Variants in F13A1 observed in about 807,000 individuals in gnomAD.
F13A1 encodes coagulation factor XIII A chain, also known as FSF, A subunit.
In F13A1, 47 loss-of-function variants were observed where a neutral mutation model predicts 80.1. The ratio of observed to expected loss-of-function variants is 0.59; its 90% confidence interval spans 0.46 to 0.75. The LOEUF is 0.75. Among genes scored for constraint, F13A1 ranks in the 30% least tolerant of loss-of-function variants. The pLI, the probability that F13A1 is intolerant of heterozygous loss-of-function variation, is 0.00. For missense variants in F13A1, 817 were observed against 930.4 expected (o/e 0.88, Z 1.59); for synonymous variants, 349 against 344.9 (o/e 1.01, Z -0.13).
At chr6:6,264,987 A>G (rs1757824406) in intron 4 of F13A1, among the ~76,000 whole-genome samples, 1 of 152,198 alleles carries the variant, frequency 6.6e-6, no homozygotes, top group Non-Finnish European at 1.5e-5. Flanking sequence ...CATGCTGGGC[A>G]TGGTGGTTCA....
chr6:6,304,107 T>G (rs1758475836), intron 3 of F13A1, among the ~76,000 whole-genome samples: 1 of 152,222 alleles, frequency 6.6e-6, no homozygotes. Context: ...AAGGGAATGA[T>G]GATAGCAGGC....
At chr6:6,279,471 T>G (rs1758032456) in intron 3 of F13A1, among the ~76,000 whole-genome samples, 1 of 152,220 alleles carries the variant, frequency 6.6e-6, no homozygotes, top group Admixed American at 6.5e-5. Context: ...GTTTCCATAT[T>G]TCTTGGGTTT....
chr6:6,231,306 T>C (rs1419519488), intron 6 of F13A1, among the ~76,000 whole-genome samples: 1 of 152,054 alleles, frequency 6.6e-6, no homozygotes, highest in Non-Finnish European at 1.5e-5. Context: ...GCAATAGAAT[T>C]GAACATGTAG....
chr6:6,249,469 T>A (rs3024387), intron 5 of F13A1, among the ~76,000 whole-genome samples: 1 of 152,004 alleles, frequency 6.6e-6, no homozygotes, highest in East Asian at 1.9e-4. Flanking sequence ...ACTGTAAACA[T>A]GCTTGGCTGG....
intron 11 of F13A1, among the ~76,000 whole-genome samples, chr6:6,177,270 C>T (rs1300861241): frequency 6.6e-6 from 1 of 152,186 alleles, no homozygotes; most frequent in East Asian, 1.9e-4. Flanking sequence ...ATTCTTCTGG[C>T]TTTAGCTCCA....
At chr6:6,310,703 T>C (rs1758578082) in intron 2 of F13A1, among the ~76,000 whole-genome samples, 1 of 152,138 alleles carries the variant, frequency 6.6e-6, no homozygotes, top group Non-Finnish European at 1.5e-5. Context: ...AATGAGAAAA[T>C]GCACCGAGTG....
intron 11 of F13A1, among the ~76,000 whole-genome samples, chr6:6,178,971 G>A (rs980393382): frequency 6.6e-5 from 10 of 152,208 alleles, no homozygotes; most frequent in African/African-American, 1.9e-4. Flanking sequence ...CAGAGTGTGC[G>A]CGGAAGGAGT....
At chr6:6,319,115 C>G (rs3024319) in intron 1 of F13A1, among the ~76,000 whole-genome samples, 69,041 of 152,110 alleles carry the variant, frequency 0.45, 16,412 homozygotes, top group East Asian at 0.76. Flanking sequence ...ACGCACACAA[C>G]CATGTCCAGA....
At chr6:6,290,151 G>T (rs114950663) in intron 3 of F13A1, among the ~76,000 whole-genome samples, 1,850 of 152,110 alleles carry the variant, frequency 0.012, 44 homozygotes, top group African/African-American at 0.042. Flanking sequence ...TAGGCTTTAT[G>T]GTTGAAAGAA....
intron 8 of F13A1, among the ~76,000 whole-genome samples, chr6:6,207,519 C>G (rs1363560635): frequency 6.6e-6 from 1 of 152,202 alleles, no homozygotes; most frequent in East Asian, 1.9e-4. Context: ...CCATAGGAGG[C>G]TTTGAAAAAC....
intron 6 of F13A1, among the ~76,000 whole-genome samples, chr6:6,231,821 G>A (rs35208385): frequency 0.013 from 1,911 of 152,104 alleles, 22 homozygotes; most frequent in Non-Finnish European, 0.019. Context: ...TGTATCCAGC[G>A]AAACTAAGCA....
chr6:6,243,224 C>G lies in F13A1; in HGVS notation c.798+5088G>C, dbSNP rs1757508386. The stretch of plus-strand genomic sequence containing the variant: ...TCACTCCTACCATCACCACCACCAT[C>G]ACCGTCACCATCTCCACCACCACCA... On this transcript the variant is annotated intron_variant, in intron 6 of 14. Transcript: ENST00000264870. This position sits in a 1 kb window ranked among gnomAD's most constrained non-coding sequence, Gnocchi z 4.2. 6.6e-6 allele frequency among the ~76,000 whole-genome samples: 1 copy of G among 150,898 alleles called. No individual in the cohort carries two copies. The highest frequency in any genetic ancestry group is 6.6e-5 in the Admixed American group (1 of 15,078).
At position 6,298,791 on chromosome 6, in the gene F13A1, A is replaced by G. The variant is rs150854375; in HGVS notation, c.319+6560T>C. Among the ~76,000 whole-genome samples the G allele has an allele frequency of 5.2e-3, 777 of 149,538 alleles. 68 individuals carry two copies. The highest frequency in any genetic ancestry group is 0.02 in the Middle Eastern group (6 of 294). On this transcript the variant is annotated intron_variant, in intron 3 of 14. Transcript: ENST00000264870. ...TATGTGTGAATTTGATCCTGTCATT[A>G]TGATGTTAGCTGGTGATTTTGCTCA...
chr6:6,173,407 TTC>T (rs1333941484), intron 12 of F13A1, among the ~76,000 whole-genome samples: 1,193 of 44,414 alleles, frequency 0.027, 43 homozygotes, highest in African/African-American at 0.13. Flanking sequence ...CTCCATTCTT[TTC>T]TTTTTTTTTT....
chr6:6,208,044 G>A (rs927867592), intron 8 of F13A1, among the ~76,000 whole-genome samples: 1 of 152,166 alleles, frequency 6.6e-6, no homozygotes, highest in East Asian at 1.9e-4. Flanking sequence ...TACACAGGAA[G>A]CAGCCAAGAG....
At chr6:6,319,941 T>A (rs1449989460) in intron 1 of F13A1, among the ~76,000 whole-genome samples, 1 of 152,138 alleles carries the variant, frequency 6.6e-6, no homozygotes, top group African/African-American at 2.4e-5. Flanking sequence ...GCGAGAGCCA[T>A]CCTCTAGTGA....
chr6:6,248,530 C>T lies in F13A1; in HGVS notation c.691-111G>A, dbSNP rs1757586423. Reference sequence around the variant, plus strand: ...ACCTAATGTTTAGAAATGTGTGTTTCCTGTATAGTGATCTCCCATAATCTT... The same window carrying T: ...ACCTAATGTTTAGAAATGTGTGTTTTCTGTATAGTGATCTCCCATAATCTT... On this transcript the variant is annotated intron_variant, in intron 5 of 14. Transcript: ENST00000264870. 8.8e-6 allele frequency: 7 copies of T among 798,404 alleles called. No homozygotes were observed. The Admixed American group carries it at 1.2e-4, about 14-fold the overall frequency. The allele number at this position is 798,404 out of a possible 1,614,324, so 49.5% of individuals were successfully genotyped here.
intron 14 of F13A1, among the ~76,000 whole-genome samples, chr6:6,148,366 A>G (rs1760320501): frequency 6.6e-6 from 1 of 152,086 alleles, no homozygotes; most frequent in Non-Finnish European, 1.5e-5. Flanking sequence ...TTCCCTGTTT[A>G]CCAGCTCCTC....
intron 6 of F13A1, among the ~76,000 whole-genome samples, chr6:6,234,671 T>C (rs1282083060): frequency 6.6e-6 from 1 of 152,074 alleles, no homozygotes; most frequent in African/African-American, 2.4e-5. Flanking sequence ...TGATACCATC[T>C]AACATTAAAG....
Sources: allele counts gnomAD v4.1 joint callset (sites outside exome capture counted in the v4.1 genomes callset), GRCh38; gene constraint gnomAD v4.1.1; non-coding constraint Gnocchi (gnomAD v3.1); transcripts MANE v1.5; gene names NCBI Gene and HGNC (gene_info 2026-07-23, HGNC 2026-07-21).